The following MARK3 variants were observed in gnomAD, a reference collection of about 807,000 sequenced individuals.
The protein encoded by MARK3 is microtubule affinity regulating kinase 3.
In MARK3, 46 loss-of-function variants were observed where a neutral mutation model predicts 90.1. That is an observed-to-expected ratio of 0.51 (90% CI 0.40 to 0.65). The LOEUF is 0.65. MARK3 is among the 30% of genes least tolerant of loss of function. The pLI is 0.00. For synonymous variants in MARK3, 321 were observed against 332.6 expected, an observed-to-expected ratio of 0.97 and a Z score of 0.38; for missense variants, 818 against 947.2, an observed-to-expected ratio of 0.86 and a Z score of 1.79.
chr14:103,486,837 A>G (rs2093938221), intron 14 of MARK3, among the ~76,000 whole-genome samples: 1 of 152,158 alleles, frequency 6.6e-6, no homozygotes, highest in Non-Finnish European at 1.5e-5. Context: ...TGTGAAACTC[A>G]TGATGTGACA....
At chr14:103,440,959 G>T (rs1017265129) in intron 3 of MARK3, among the ~76,000 whole-genome samples, 1 of 146,338 alleles carries the variant, frequency 6.8e-6, no homozygotes, top group Non-Finnish European at 1.5e-5. Context: ...GAAAAGAAAA[G>T]AAAAATCTCA....
At chr14:103,498,469 AAT>A in intron 15 of MARK3, 31 bp from the exon 16 acceptor site, 2 of 1,103,196 alleles carry the variant, frequency 1.8e-6, no homozygotes, top group Non-Finnish European at 2.4e-6. Context: ...TATTTTTGTT[AAT>A]TTTTTTTTTT....
chr14:103,502,664 G>A (rs1595981951), intron 17 of MARK3, among the ~76,000 whole-genome samples: 1 of 152,204 alleles, frequency 6.6e-6, no homozygotes, highest in East Asian at 1.9e-4. Flanking sequence ...AGATTTTCCA[G>A]CTAGGTAGAT....
At chr14:103,502,100 T>TG (rs1260743425) in intron 17 of MARK3, among the ~76,000 whole-genome samples, 1 of 152,222 alleles carries the variant, frequency 6.6e-6, no homozygotes, top group Admixed American at 6.5e-5. Flanking sequence ...AAGGAGTGGC[T>TG]GGTAAACCGC....
chr14:103,429,901 C>T (rs935416549), intron 3 of MARK3, among the ~76,000 whole-genome samples: 1 of 152,100 alleles, frequency 6.6e-6, no homozygotes, highest in Non-Finnish European at 1.5e-5. Context: ...ACAGTTTTCC[C>T]GGAAAAATTT....
At chr14:103,475,250 G>A (rs1160754234) in intron 13 of MARK3, 40 bp downstream of exon 13, 1 of 1,572,226 alleles carries the variant, frequency 6.4e-7, no homozygotes, top group South Asian at 1.1e-5. Flanking sequence ...TAGGGTGGTA[G>A]GGTTGGAACC....
intron 14 of MARK3, chr14:103,491,002 C>G: frequency 7.8e-7 from 1 of 1,288,290 alleles, no homozygotes; most frequent in Non-Finnish European, 1.0e-6. Flanking sequence ...GTTTGTACAT[C>G]TACCTGTCGG....
intron 3 of MARK3, among the ~76,000 whole-genome samples, chr14:103,428,855 A>G (rs1249129421): frequency 6.6e-6 from 1 of 152,142 alleles, no homozygotes; most frequent in Non-Finnish European, 1.5e-5. Context: ...GCTTCCTTAA[A>G]CTCTTGACAC....
intron 1 of MARK3, among the ~76,000 whole-genome samples, chr14:103,396,124 C>T (rs925649026): frequency 6.6e-6 from 1 of 150,756 alleles, no homozygotes; most frequent in East Asian, 2.0e-4. Context: ...TTCCATTTTG[C>T]CCTTTCTAAA....
At chr14:103,433,087 TC>T (rs1308340358) in intron 3 of MARK3, among the ~76,000 whole-genome samples, 11 of 26,598 alleles carry the variant, frequency 4.1e-4, no homozygotes, top group East Asian at 0.015. Flanking sequence ...TCTTTTCTTT[TC>T]TTTTCTTTTT....
At chr14:103,400,984 T>TGTGTGTGTGTGC (rs1481507292) in intron 1 of MARK3, among the ~76,000 whole-genome samples, 1 of 141,442 alleles carries the variant, frequency 7.1e-6, no homozygotes, top group East Asian at 2.0e-4. Flanking sequence ...TGTGTGTGTA[T>TGTGTGTGTGTGC]GCAGGTTGTT....
intron 13 of MARK3, among the ~76,000 whole-genome samples, chr14:103,478,187 C>T (rs1185636535): frequency 1.3e-5 from 2 of 150,828 alleles, no homozygotes; most frequent in Non-Finnish European, 2.9e-5. Flanking sequence ...CCCAGCTACT[C>T]GGGAGGCTAA....
chr14:103,395,836 T>C (rs1439854785), intron 1 of MARK3, among the ~76,000 whole-genome samples: 2 of 152,140 alleles, frequency 1.3e-5, no homozygotes, highest in Non-Finnish European at 2.9e-5. Context: ...CTATTTTGAG[T>C]CTTGCTTATT....
intron 3 of MARK3, among the ~76,000 whole-genome samples, chr14:103,437,389 G>A (rs887025865): frequency 4.0e-5 from 6 of 150,116 alleles, no homozygotes; most frequent in Admixed American, 1.3e-4. Context: ...GTGAGACTCC[G>A]TCTCAAAAAA....
intron 3 of MARK3, among the ~76,000 whole-genome samples, chr14:103,434,235 G>A (rs2092661532): frequency 6.6e-6 from 1 of 152,138 alleles, no homozygotes; most frequent in Non-Finnish European, 1.5e-5. Context: ...AAATTGTATA[G>A]CCAAACAAGG....
chr14:103,413,825 T>A (rs543607256), intron 2 of MARK3, among the ~76,000 whole-genome samples: 1 of 152,130 alleles, frequency 6.6e-6, no homozygotes, highest in Non-Finnish European at 1.5e-5. Flanking sequence ...GAAACTGGCT[T>A]CTTCTCACTC....
intron 7 of MARK3, 66 bp from the exon 8 acceptor site, chr14:103,465,490 TA>T: frequency 1.8e-6 from 2 of 1,110,678 alleles, no homozygotes; most frequent in Non-Finnish European, 2.8e-6. Flanking sequence ...CTAAAATGCC[TA>T]ATCCTGTCAT....
chr14:103,496,310 A>G (rs2075336327), intron 15 of MARK3, among the ~76,000 whole-genome samples: 1 of 152,046 alleles, frequency 6.6e-6, no homozygotes, highest in Admixed American at 6.5e-5. Context: ...TCCAGGCACC[A>G]TGGCTCATGC....
At chr14:103,483,180 T>A (rs2093858075) in intron 14 of MARK3, among the ~76,000 whole-genome samples, 1 of 152,206 alleles carries the variant, frequency 6.6e-6, no homozygotes, top group African/African-American at 2.4e-5. Flanking sequence ...TTCCCTCTCT[T>A]CACCCACCCA....
Sources: gnomAD v4.1 joint callset for allele counts (sites outside exome capture counted in the v4.1 genomes callset) on GRCh38, gnomAD v4.1.1 for gene constraint, MANE v1.5 for transcripts, NCBI Gene and HGNC (gene_info 2026-07-23, HGNC 2026-07-21) for gene names.